The following FHIP1A variants were observed in gnomAD, a reference collection of about 807,000 sequenced individuals.
FHIP1A encodes the protein FHF complex subunit HOOK-interacting protein 1A.
FHIP1A carries 61 observed loss-of-function variants against 88.6 expected under a neutral mutation model. The observed-to-expected ratio is 0.69, with a 90% CI of 0.56 to 0.85. FHIP1A has a LOEUF of 0.85. FHIP1A is among the 40% of genes least tolerant of loss of function. FHIP1A has a pLI of 0.00. For synonymous variants in FHIP1A, 478 were observed against 496.0 expected, an observed-to-expected ratio of 0.96 and a Z score of 0.48; for missense variants, 1,154 against 1,273.5, an observed-to-expected ratio of 0.91 and a Z score of 1.43.
chr4:151,471,326 GGAA>G (rs1729504498), intron 2 of FHIP1A, among the ~76,000 whole-genome samples: 4 of 90,336 alleles, frequency 4.4e-5, no homozygotes, highest in African/African-American at 1.3e-4. Context: ...TTTCCAATAA[GGAA>G]AAAAAAAAAA....
intron 1 of FHIP1A, among the ~76,000 whole-genome samples, chr4:151,454,201 A>C (rs2126586986): frequency 6.6e-6 from 1 of 152,302 alleles, no homozygotes; most frequent in South Asian, 2.1e-4. Flanking sequence ...TCACTGGATT[A>C]AGACAGAGAG....
chr4:151,565,420 T>A (rs1040547941), intron 3 of FHIP1A, among the ~76,000 whole-genome samples: 1 of 152,162 alleles, frequency 6.6e-6, no homozygotes, highest in South Asian at 2.1e-4. Flanking sequence ...CACTCACACC[T>A]AATAAACACT....
At chr4:151,649,249 G>C (rs2126909194) in intron 10 of FHIP1A, among the ~76,000 whole-genome samples, 1 of 152,194 alleles carries the variant, frequency 6.6e-6, no homozygotes, top group East Asian at 1.9e-4. Flanking sequence ...TGGCTATATT[G>C]GTTTTCTATC....
chr4:151,623,877 T>G (rs1735846376), intron 7 of FHIP1A, among the ~76,000 whole-genome samples: 1 of 152,210 alleles, frequency 6.6e-6, no homozygotes, highest in South Asian at 2.1e-4. Flanking sequence ...CCGTATTCTC[T>G]GCAAGGCTAA....
chr4:151,537,409 T>C (rs1732109441), intron 3 of FHIP1A, among the ~76,000 whole-genome samples: 2 of 152,214 alleles, frequency 1.3e-5, no homozygotes, highest in Non-Finnish European at 2.9e-5. Flanking sequence ...GCCTTCTGTA[T>C]TTCCTCAGAA....
At chr4:151,513,822 A>G (rs1027351351) in intron 3 of FHIP1A, among the ~76,000 whole-genome samples, 1 of 150,958 alleles carries the variant, frequency 6.6e-6, no homozygotes, top group Non-Finnish European at 1.5e-5. Context: ...AGTGACCTAC[A>G]AAGAGACTTA....
At chr4:151,452,955 T>C (rs199756385) in intron 1 of FHIP1A, among the ~76,000 whole-genome samples, 20 of 147,906 alleles carry the variant, frequency 1.4e-4, no homozygotes, top group East Asian at 3.9e-4. Flanking sequence ...TATATATACA[T>C]ACACACACAC....
intron 3 of FHIP1A, among the ~76,000 whole-genome samples, chr4:151,547,591 T>A (rs1425868693): frequency 6.6e-6 from 1 of 152,170 alleles, no homozygotes; most frequent in African/African-American, 2.4e-5. Flanking sequence ...TAGTAATGGC[T>A]CACTTTTGTT....
At chr4:151,428,765 T>C (rs1733480629) in intron 1 of FHIP1A, among the ~76,000 whole-genome samples, 4 of 152,190 alleles carry the variant, frequency 2.6e-5, no homozygotes, top group African/African-American at 9.6e-5. Flanking sequence ...TCTTTTAATG[T>C]GTTTTTCTCT....
intron 1 of FHIP1A, among the ~76,000 whole-genome samples, chr4:151,445,761 A>G (rs960075854): frequency 2.0e-5 from 3 of 150,394 alleles, no homozygotes; most frequent in African/African-American, 4.9e-5. Flanking sequence ...AGGCTAAGGC[A>G]GGAGGATTGC....
At chr4:151,498,375 T>C (rs557260933) in intron 3 of FHIP1A, among the ~76,000 whole-genome samples, 3 of 152,228 alleles carry the variant, frequency 2.0e-5, no homozygotes, top group South Asian at 2.1e-4. Context: ...AACACAAACA[T>C]GTAATAGGGA....
At chr4:151,410,021 A>G (rs1254420013) in intron 1 of FHIP1A, among the ~76,000 whole-genome samples, 1 of 152,226 alleles carries the variant, frequency 6.6e-6, no homozygotes, top group East Asian at 1.9e-4. Context: ...GATAGTGTGT[A>G]TGTGTTTGTG....
chr4:151,424,116 T>A (rs1482627586), intron 1 of FHIP1A, among the ~76,000 whole-genome samples: 1 of 152,164 alleles, frequency 6.6e-6, no homozygotes, highest in Non-Finnish European at 1.5e-5. Context: ...TTTTGGGGTG[T>A]GGCTGCAGCA....
intron 3 of FHIP1A, among the ~76,000 whole-genome samples, chr4:151,496,667 C>G (rs1730472359): frequency 6.7e-6 from 1 of 150,074 alleles, no homozygotes; most frequent in South Asian, 2.1e-4. Context: ...ATTTTCCCAT[C>G]TCAGTCACTC....
At chr4:151,456,666 AAC>A (rs1728978112) in intron 2 of FHIP1A, among the ~76,000 whole-genome samples, 1 of 152,218 alleles carries the variant, frequency 6.6e-6, no homozygotes, top group Non-Finnish European at 1.5e-5. Context: ...ACATACACAT[AAC>A]ACACAAAAGA....
intron 2 of FHIP1A, among the ~76,000 whole-genome samples, chr4:151,474,924 A>G (rs1407647848): frequency 1.3e-5 from 2 of 152,212 alleles, no homozygotes; most frequent in Non-Finnish European, 2.9e-5. Context: ...TCTATACAGT[A>G]TTCCTCAGAC....
chr4:151,435,734 G>A (rs994921567), intron 1 of FHIP1A, among the ~76,000 whole-genome samples: 5 of 150,624 alleles, frequency 3.3e-5, no homozygotes, highest in East Asian at 2.0e-4. Flanking sequence ...ACAGTGAGCC[G>A]AGATTGTGCC....
In FHIP1A at chr4:151,606,768, G is replaced by T. The variant is rs1735090177; in HGVS notation, c.978+17842G>T. 2.0e-5 allele frequency among the ~76,000 whole-genome samples: 3 copies of T among 152,154 alleles called. No homozygotes were observed. The South Asian group carries it at 6.2e-4, about 32-fold the overall frequency. ...ATAATCTTGAGCTGTATTTGTTCAT[G>T]TGGAACTTTGCCTGTTTCTTACCAT... On this transcript the variant is annotated intron_variant, in intron 7 of 13. Transcript: ENST00000435205.
intron 2 of FHIP1A, among the ~76,000 whole-genome samples, chr4:151,460,969 T>G (rs1729126019): frequency 6.6e-6 from 1 of 152,226 alleles, no homozygotes; most frequent in African/African-American, 2.4e-5. Flanking sequence ...AATTATTTTC[T>G]TTTGTGCCTT....
Sources: gnomAD v4.1 joint callset for allele counts (sites outside exome capture counted in the v4.1 genomes callset) on GRCh38, gnomAD v4.1.1 for gene constraint, MANE v1.5 for transcripts, NCBI Gene and HGNC (gene_info 2026-07-23, HGNC 2026-07-21) for gene names.